Variants in KCNH7 observed in about 807,000 individuals in gnomAD.
KCNH7 encodes voltage-gated inwardly rectifying potassium channel KCNH7.
In KCNH7, 49 loss-of-function variants were observed where a neutral mutation model predicts 120.8. The observed-to-expected ratio is 0.41, with a 90% CI of 0.32 to 0.51. The LOEUF is 0.51. KCNH7 is among the 20% of genes least tolerant of loss of function. The pLI is 0.38. For synonymous variants in KCNH7, 547 were observed against 516.1 expected, an observed-to-expected ratio of 1.06 and a Z score of -0.81; for missense variants, 1,097 against 1,446.6, an observed-to-expected ratio of 0.76 and a Z score of 3.92.
chr2:162,375,771 G>T (rs1041130662), intron 14 of KCNH7, among the ~76,000 whole-genome samples: 1 of 151,852 alleles, frequency 6.6e-6, no homozygotes, highest in Admixed American at 6.6e-5. Flanking sequence ...AATTAGCCAG[G>T]TGTGGTGGTG....
chr2:162,628,636 C>T (rs1373692463), intron 2 of KCNH7, among the ~76,000 whole-genome samples: 1 of 152,092 alleles, frequency 6.6e-6, no homozygotes, highest in Non-Finnish European at 1.5e-5. Flanking sequence ...TTGTTCCCCT[C>T]TATGTGCCCA....
intron 9 of KCNH7, among the ~76,000 whole-genome samples, chr2:162,404,897 G>A (rs1206547286): frequency 1.3e-5 from 2 of 151,894 alleles, no homozygotes; most frequent in East Asian, 1.9e-4. Flanking sequence ...TTCTCTAAAT[G>A]CCCAAATTAA....
chr2:162,504,678 T>C, intron 5 of KCNH7, 21 bp from the exon 6 acceptor site: 1 of 1,460,920 alleles, frequency 6.8e-7, no homozygotes, highest in African/African-American at 1.4e-5. Flanking sequence ...GGAAAGTATT[T>C]GTAAGAGTAA....
At chr2:162,531,850 T>C (rs1309087527) in intron 3 of KCNH7, among the ~76,000 whole-genome samples, 1 of 151,946 alleles carries the variant, frequency 6.6e-6, no homozygotes, top group Non-Finnish European at 1.5e-5. Flanking sequence ...AGAAAAATTA[T>C]CAGCTGAGGT....
intron 9 of KCNH7, among the ~76,000 whole-genome samples, chr2:162,413,903 T>A (rs771691100): frequency 7.9e-5 from 12 of 151,808 alleles, no homozygotes; most frequent in Non-Finnish European, 1.8e-4. Flanking sequence ...AAAGTTCTTA[T>A]AAAATAAAAT....
intron 2 of KCNH7, among the ~76,000 whole-genome samples, chr2:162,749,189 G>A (rs1688455575): frequency 6.9e-6 from 1 of 144,036 alleles, no homozygotes; most frequent in Non-Finnish European, 1.5e-5. Context: ...CTTTTCCTCT[G>A]CTTTCCTTTC....
chr2:162,700,776 T>C (rs1284433266), intron 2 of KCNH7, among the ~76,000 whole-genome samples: 1 of 152,230 alleles, frequency 6.6e-6, no homozygotes, highest in African/African-American at 2.4e-5. Flanking sequence ...TTTTTGAGTC[T>C]GTCAAAAGCT....
At chr2:162,374,144 C>A (rs1042123038) in intron 14 of KCNH7, among the ~76,000 whole-genome samples, 1 of 152,104 alleles carries the variant, frequency 6.6e-6, no homozygotes, top group East Asian at 1.9e-4. Flanking sequence ...TTACCTCTGT[C>A]CTATTCATAT....
intron 2 of KCNH7, among the ~76,000 whole-genome samples, chr2:162,794,939 T>TA (rs1457439689): frequency 3.3e-5 from 5 of 152,068 alleles, no homozygotes; most frequent in African/African-American, 1.2e-4. Flanking sequence ...TGACCTTGAG[T>TA]AAAATACATA....
At position 162,550,258 on chromosome 2, in the gene KCNH7, T is replaced by C. The variant is rs868567011; in HGVS notation, c.308-13178A>G. Reference sequence around the variant, plus strand: ...GAAAGAATTGAAATGGTGGTATAAATGGTAATATATGTCTGCTGCATTTCC... The same window carrying C: ...GAAAGAATTGAAATGGTGGTATAAACGGTAATATATGTCTGCTGCATTTCC... On this transcript the variant is annotated intron_variant, in intron 2 of 15. Transcript: ENST00000332142. Among the ~76,000 whole-genome samples the C allele has an allele frequency of 1.4e-4, 21 of 152,286 alleles. 1 individual carries two copies. Among genetic ancestry groups the C allele is most frequent in the South Asian group, 4.1e-4 (2 of 4,826 alleles).
chr2:162,650,713 T>A (rs1453075250), intron 2 of KCNH7, among the ~76,000 whole-genome samples: 2 of 152,198 alleles, frequency 1.3e-5, no homozygotes, highest in Non-Finnish European at 1.5e-5. Context: ...TCAGCATGAC[T>A]GTTTATTTGA....
At chr2:162,633,900 A>G (rs1170479131) in intron 2 of KCNH7, among the ~76,000 whole-genome samples, 1 of 152,072 alleles carries the variant, frequency 6.6e-6, no homozygotes, top group African/African-American at 2.4e-5. Flanking sequence ...GAATTTTTTC[A>G]TCCAGGACTA....
chr2:162,472,490 GCTC>G (rs1464891318), intron 6 of KCNH7, among the ~76,000 whole-genome samples: 1 of 152,186 alleles, frequency 6.6e-6, no homozygotes, highest in Non-Finnish European at 1.5e-5. Context: ...ATGAAAAAAT[GCTC>G]ATCATCACTG....
chr2:162,573,452 C>G (rs140911221), intron 2 of KCNH7, among the ~76,000 whole-genome samples: 1 of 151,958 alleles, frequency 6.6e-6, no homozygotes, highest in Non-Finnish European at 1.5e-5. Flanking sequence ...AAACGAAGAT[C>G]AGGCATAAAG....
rs563666209 is a variant in KCNH7 at position 162,385,023 on chromosome 2, T to A, written c.2711-84A>T. 42 of 1,071,820 alleles carry A rather than the reference T, an allele frequency of 3.9e-5. No individual in the cohort carries two copies. In the African/African-American group the frequency reaches 5.9e-4, roughly 15 times the overall value. 66.4% of individuals were successfully genotyped at this position (1,071,820 alleles called of 1,614,324 possible). On this transcript the variant is annotated intron_variant, in intron 12 of 15. Transcript: ENST00000332142. Reference sequence around the variant, plus strand: ...GTATGCATATTACACTACCTAGCTATATATATAAACTAGCTTTTTCCTATT... The same window carrying A: ...GTATGCATATTACACTACCTAGCTAAATATATAAACTAGCTTTTTCCTATT...
chr2:162,534,734 A>C (rs1160589154), intron 3 of KCNH7, among the ~76,000 whole-genome samples: 1 of 151,746 alleles, frequency 6.6e-6, no homozygotes. Flanking sequence ...AAAAAGGAGA[A>C]GAAACTCTCA....
At chr2:162,800,893 G>T (rs1421414373) in intron 2 of KCNH7, among the ~76,000 whole-genome samples, 1 of 151,736 alleles carries the variant, frequency 6.6e-6, no homozygotes, top group African/African-American at 2.4e-5. Flanking sequence ...TTTTTATTGG[G>T]TGTCAAGGGG....
chr2:162,764,815 T>C (rs1157557738), intron 2 of KCNH7, among the ~76,000 whole-genome samples: 2 of 152,204 alleles, frequency 1.3e-5, no homozygotes, highest in East Asian at 1.9e-4. Flanking sequence ...TATTTTAGTA[T>C]GTTATGAAGC....
Position 162,743,106 on chromosome 2 carries a change from C to T in KCNH7, c.307+93431G>A, listed in dbSNP as rs116846010. 7.9e-5 allele frequency among the ~76,000 whole-genome samples: 12 copies of T among 152,174 alleles called. No individual in the cohort carries two copies. The East Asian group carries it at 2.3e-3, about 29-fold the overall frequency. On this transcript the variant is annotated intron_variant, in intron 2 of 15. Coordinates refer to ENST00000332142, the MANE Select transcript of KCNH7 (RefSeq NM_033272.4). Reference sequence around the variant, plus strand: ...TTATTTCATTGATTTCCCTCTCAACCCACGCTCTCCCTGTTAGTTGCTATA... The same window carrying T: ...TTATTTCATTGATTTCCCTCTCAACTCACGCTCTCCCTGTTAGTTGCTATA...
Sources: gnomAD v4.1 joint callset for allele counts (sites outside exome capture counted in the v4.1 genomes callset) on GRCh38, gnomAD v4.1.1 for gene constraint, MANE v1.5 for transcripts, NCBI Gene and HGNC (gene_info 2026-07-23, HGNC 2026-07-21) for gene names.